The following KCNMA1 variants were observed in gnomAD, a reference collection of about 807,000 sequenced individuals.
The protein encoded by KCNMA1 is Calcium-activated potassium channel subunit alpha-1.
In KCNMA1, 29 loss-of-function variants were observed where a neutral mutation model predicts 140.0. The ratio of observed to expected loss-of-function variants is 0.21; its 90% CI spans 0.15 to 0.28. The LOEUF (loss-of-function observed/expected upper bound fraction) is 0.28. KCNMA1 is among the 10% of genes least tolerant of loss of function. KCNMA1 has a pLI of 1.00. For synonymous variants in KCNMA1, 612 were observed against 611.9 expected, an observed-to-expected ratio of 1.00 and a Z score of 0.00; for missense variants, 880 against 1,602.2, an observed-to-expected ratio of 0.55 and a Z score of 7.70.
At chr10:77,441,809 T>C (rs1193733441) in intron 1 of KCNMA1, among the ~76,000 whole-genome samples, 1 of 152,112 alleles carries the variant, frequency 6.6e-6, no homozygotes, top group Non-Finnish European at 1.5e-5. Flanking sequence ...CAGCTATAAA[T>C]AGAAGCATTG....
At chr10:77,594,316 A>G (rs998925630) in intron 1 of KCNMA1, among the ~76,000 whole-genome samples, 11 of 152,186 alleles carry the variant, frequency 7.2e-5, no homozygotes, top group Admixed American at 7.2e-4. Context: ...CTAGGATAGA[A>G]GAAGCACTCC....
At chr10:77,502,508 C>A (rs1369111157) in intron 1 of KCNMA1, among the ~76,000 whole-genome samples, 2 of 152,138 alleles carry the variant, frequency 1.3e-5, no homozygotes, top group Non-Finnish European at 2.9e-5. Flanking sequence ...ATCCTGGATA[C>A]TCTAGAGAAA....
intron 1 of KCNMA1, chr10:77,634,798 C>A (rs572072793): frequency 1.1e-5 from 2 of 179,738 alleles, no homozygotes; most frequent in Non-Finnish European, 2.1e-5. Flanking sequence ...CACACACACA[C>A]ACACACACAC....
intron 1 of KCNMA1, among the ~76,000 whole-genome samples, chr10:77,416,435 C>A (rs1192402429): frequency 1.3e-5 from 2 of 152,156 alleles, no homozygotes; most frequent in African/African-American, 4.8e-5. Flanking sequence ...AACAACCTCC[C>A]GGGAAATACT....
At chr10:77,441,721 C>G (rs2097404241) in intron 1 of KCNMA1, among the ~76,000 whole-genome samples, 1 of 152,150 alleles carries the variant, frequency 6.6e-6, no homozygotes, top group South Asian at 2.1e-4. Context: ...ACTCTGCGAC[C>G]CTGCAGACTC....
intron 24 of KCNMA1, chr10:76,914,568 C>T: frequency 2.9e-6 from 1 of 347,240 alleles, no homozygotes; most frequent in South Asian, 3.1e-5. Flanking sequence ...AGGAGCTGTC[C>T]AGACAGAATG....
At chr10:77,574,794 A>G (rs527711767) in intron 1 of KCNMA1, among the ~76,000 whole-genome samples, 1 of 152,366 alleles carries the variant, frequency 6.6e-6, no homozygotes. Flanking sequence ...TGCACCCAAC[A>G]CACTGTAAGT....
intron 1 of KCNMA1, among the ~76,000 whole-genome samples, chr10:77,493,063 T>C (rs2040517219): frequency 6.6e-6 from 1 of 152,240 alleles, no homozygotes; most frequent in Non-Finnish European, 1.5e-5. Context: ...CTGGTTGTCT[T>C]GACTCTCTGG....
intron 1 of KCNMA1, among the ~76,000 whole-genome samples, chr10:77,439,149 A>AGAGAAGAGAG (rs1555337767): frequency 1.4e-3 from 118 of 85,272 alleles, no homozygotes; most frequent in East Asian, 0.011. Context: ...AGAGAAGAGA[A>AGAGAAGAGAG]AAGAGAAGAG....
At chr10:77,451,396 A>G (rs191930161) in intron 1 of KCNMA1, among the ~76,000 whole-genome samples, 73 of 152,198 alleles carry the variant, frequency 4.8e-4, no homozygotes, top group Non-Finnish European at 8.4e-4. Flanking sequence ...AATGCCCTGC[A>G]GGGGTCACAA....
At chr10:77,624,441 A>C (rs1186542160) in intron 1 of KCNMA1, among the ~76,000 whole-genome samples, 1 of 152,144 alleles carries the variant, frequency 6.6e-6, no homozygotes, top group Non-Finnish European at 1.5e-5. Context: ...TGGTATTTCC[A>C]ATGGGGCCTG....
intron 3 of KCNMA1, among the ~76,000 whole-genome samples, chr10:77,234,653 A>T (rs1414874370): frequency 6.6e-6 from 1 of 152,212 alleles, no homozygotes; most frequent in African/African-American, 2.4e-5. Flanking sequence ...AGCATGTCCT[A>T]TGTGCTGTAT....
At chr10:77,214,996 G>A (rs1170646032) in intron 3 of KCNMA1, among the ~76,000 whole-genome samples, 1 of 152,088 alleles carries the variant, frequency 6.6e-6, no homozygotes, top group Non-Finnish European at 1.5e-5. Context: ...TCTCTTCTGA[G>A]TTCTGGACTC....
chr10:77,182,654 C>A (rs1317736865), intron 5 of KCNMA1, among the ~76,000 whole-genome samples: 1 of 152,170 alleles, frequency 6.6e-6, no homozygotes, highest in South Asian at 2.1e-4. Context: ...AAGGAACCCA[C>A]AAATAGTCCT....
At chr10:77,218,341 T>C (rs1183992650) in intron 3 of KCNMA1, among the ~76,000 whole-genome samples, 2 of 152,210 alleles carry the variant, frequency 1.3e-5, no homozygotes, top group Non-Finnish European at 2.9e-5. Flanking sequence ...GTTTTAAAAA[T>C]CAAGTGTTAC....
In KCNMA1 at chr10:76,938,511, A is replaced by G. The variant is rs2061148277; in HGVS notation, c.2902+6262T>C. On this transcript the variant is annotated intron_variant, in intron 23 of 27. Coordinates refer to ENST00000286628, the MANE Select transcript of KCNMA1 (RefSeq NM_001161352.2). ...GAGTCCTTGCATCTTCTTCCTTTCC[A>G]CTCCAAACAATGCTTCACAGGGCTG... is the stretch of plus-strand genomic sequence containing the variant. Among the ~76,000 whole-genome samples the G allele has an allele frequency of 6.6e-5, 10 of 151,714 alleles. No individual in the cohort carries two copies. The South Asian group carries it at 2.1e-3, about 32-fold the overall frequency.
intron 3 of KCNMA1, among the ~76,000 whole-genome samples, chr10:77,206,240 G>GA (rs1565207836): frequency 6.6e-6 from 1 of 151,912 alleles, no homozygotes; most frequent in South Asian, 2.1e-4. Context: ...TTTTAAAACT[G>GA]AAAAAAAGAG....
intron 10 of KCNMA1, among the ~76,000 whole-genome samples, chr10:77,088,094 G>A (rs986155606): frequency 1.3e-5 from 2 of 152,142 alleles, no homozygotes; most frequent in African/African-American, 4.8e-5. Flanking sequence ...CAGAGTAGCT[G>A]GGATTATAGG....
At chr10:77,529,745 A>G (rs1163403146) in intron 1 of KCNMA1, among the ~76,000 whole-genome samples, 1 of 152,082 alleles carries the variant, frequency 6.6e-6, no homozygotes, top group East Asian at 1.9e-4. Flanking sequence ...AAGAATGAGG[A>G]CACCCCAAGC....
Sources: gnomAD v4.1 joint callset for allele counts (sites outside exome capture counted in the v4.1 genomes callset) on GRCh38, gnomAD v4.1.1 for gene constraint, MANE v1.5 for transcripts, NCBI Gene and HGNC (gene_info 2026-07-23, HGNC 2026-07-21) for gene names.